Variants in ENGASE observed in about 807,000 individuals in gnomAD.
ENGASE encodes cytosolic endo-beta-N-acetylglucosaminidase.
Under a neutral mutation model 78.5 loss-of-function variants are expected in ENGASE, and 69 were observed. The ratio of observed to expected loss-of-function variants is 0.88; its 90% CI spans 0.72 to 1.07. The LOEUF (loss-of-function observed/expected upper bound fraction) is 1.07, where lower values mean the gene tolerates loss of function less well. Among genes scored for constraint, ENGASE ranks in the 50% least tolerant of loss-of-function variants. ENGASE has a pLI of 0.00. For missense variants in ENGASE, 943 were observed against 988.4 expected, an observed-to-expected ratio of 0.95 and a Z score of 0.62; for synonymous variants, 408 against 408.9, an observed-to-expected ratio of 1.00 and a Z score of 0.03.
chr17:79,087,405 G>T lies in ENGASE; in HGVS notation c.*1056G>T. ...GAGGGAGGCAGGGTCTTCACCACAG[G>T]CGCCTTCCTCTGTCCTTCCTGCTCT... On this transcript the variant is annotated 3_prime_UTR_variant, in exon 14 of 14. Transcript: ENST00000579016. 2 of 230,052 alleles carry T rather than the reference G, an allele frequency of 8.7e-6. No homozygotes were observed. The highest frequency in any genetic ancestry group is 1.1e-4 in the South Asian group (2 of 18,220). 14.3% of individuals were successfully genotyped at this position (230,052 alleles called of 1,614,324 possible).
At position 79,081,971 on chromosome 17, in the gene ENGASE, G is replaced by C; in HGVS notation, c.946G>C (p.Gly316Arg). 6.2e-7 allele frequency: 1 copy of C among 1,614,202 alleles called. No individual in the cohort carries two copies. Among genetic ancestry groups the C allele is most frequent in the Non-Finnish European group, 8.5e-7 (1 of 1,180,032 alleles). ...WREEHLERML[G>R]QAGERRADVY... ...GGAGGAGCACTTGGAGCGGATGCTGGGGCAGGCTGGGGAGCGCCGGGCTGA... is the reference window on the plus strand; with the variant it reads ...GGAGGAGCACTTGGAGCGGATGCTGCGGCAGGCTGGGGAGCGCCGGGCTGA... Residue 316 changes from glycine (G) to arginine (R), a missense_variant, in exon 7 of 14, where the codon GGG becomes CGG. By Grantham distance (125) the Gly-to-Arg change is moderately radical. Coordinates refer to ENST00000579016, the MANE Select transcript of ENGASE (RefSeq NM_001042573.3).
chr17:79,079,504 G>A lies in ENGASE; in HGVS notation c.432G>A (p.Ser144=), dbSNP rs372884772. 10 of 1,613,470 alleles carry A rather than the reference G, an allele frequency of 6.2e-6. No individual in the cohort carries two copies. Among genetic ancestry groups the A allele is most frequent in the African/African-American group, 4.0e-5 (3 of 74,792 alleles). ...GYLDDRFIQG[S]VVQTPYAFYH... ...CTTTCCCCAGGTTCATTCAGGGCTC[G>A]GTGGTGCAGACTCCCTATGCTTTCT... Residue 144 remains serine, a synonymous_variant, in exon 4 of 14, where the codon TCG becomes TCA. Coordinates refer to ENST00000579016, the MANE Select transcript of ENGASE (RefSeq NM_001042573.3).
chr17:79,084,477 A>G, intron 10 of ENGASE, 61 bp from the exon 11 acceptor site: 1 of 1,463,716 alleles, frequency 6.8e-7, no homozygotes, highest in Non-Finnish European at 9.0e-7. Flanking sequence ...CGCGATTTGG[A>G]GCTGGCTTCG....
At chr17:79,077,344 T>A in intron 1 of ENGASE, 86 bp from the exon 2 acceptor site, 1 of 1,155,062 alleles carries the variant, frequency 8.7e-7, no homozygotes, top group South Asian at 1.4e-5. Flanking sequence ...TCTCTCTGTG[T>A]TTAGATGAAA....
intron 1 of ENGASE, chr17:79,075,807 C>G: frequency 1.0e-6 from 1 of 985,424 alleles, no homozygotes; most frequent in Non-Finnish European, 1.2e-6. Context: ...GGGATGAAGG[C>G]TGGCTGCTGG....
chr17:79,086,095 T>G lies in ENGASE; in HGVS notation c.1978T>G (p.Cys660Gly), dbSNP rs753283522. ...HWSFLLSQVR[C>G]FRIHCWGGMS... The stretch of plus-strand genomic sequence containing the variant: ...GTCCTTCCTCCTCTCACAAGTCCGT[T>G]GCTTCCGAATCCACTGCTGGGGAGG... The change falls in exon 14 of 14, where the codon TGC (cysteine) becomes GGC (glycine). Residue 660 changes from cysteine to glycine, a missense_variant. Coordinates refer to ENST00000579016, the MANE Select transcript of ENGASE (RefSeq NM_001042573.3). The G allele has an allele frequency of 5.0e-6, 8 of 1,613,562 alleles. No homozygotes were observed. In the African/African-American group the frequency reaches 8.0e-5, roughly 16 times the overall value.
intron 1 of ENGASE, among the ~76,000 whole-genome samples, chr17:79,075,518 G>A (rs1254992050): frequency 6.6e-6 from 1 of 152,256 alleles, no homozygotes; most frequent in African/African-American, 2.4e-5. Context: ...GAGTCTTTGG[G>A]GAGGAGGAAG....
At chr17:79,079,134 T>C (rs1207825301) in intron 3 of ENGASE, among the ~76,000 whole-genome samples, 1 of 152,166 alleles carries the variant, frequency 6.6e-6, no homozygotes, top group Non-Finnish European at 1.5e-5. Flanking sequence ...CTCCGTGTCC[T>C]TATTCTGCTT....
Position 79,075,000 on chromosome 17 carries a change from A to G in ENGASE, c.56A>G (p.Gln19Arg). 8.2e-7 allele frequency: 1 copy of G among 1,217,020 alleles called. No individual in the cohort carries two copies. The highest frequency in any genetic ancestry group is 1.0e-6 in the Non-Finnish European group (1 of 976,066). The allele number at this position is 1,217,020 out of a possible 1,614,324, so 75.4% of individuals were successfully genotyped here. ...TRSATRRRRR[Q>R]LQGLAAPEAG... ...TCGGCTACACGGCGGCGGCGGCGGC[A>G]GCTGCAGGGGCTGGCGGCCCCGGAG... is the stretch of plus-strand genomic sequence containing the variant. The change falls in exon 1 of 14, where the codon CAG becomes CGG. Residue 19 changes from glutamine (Q) to arginine (R), a missense_variant. Coordinates refer to ENST00000579016, the MANE Select transcript of ENGASE (RefSeq NM_001042573.3).
In ENGASE at chr17:79,080,229, T is replaced by C. The variant is rs199931098; in HGVS notation, c.588T>C (p.Asn196=). Reference sequence around the variant, plus strand: ...CAGGGACTTTCATCACGGAGTGGAATGAAGGGGGAAGGCTCTGTGAAGCCT... The same window carrying C: ...CAGGGACTTTCATCACGGAGTGGAACGAAGGGGGAAGGCTCTGTGAAGCCT... ...CVLGTFITEW[N]EGGRLCEAFL... is the part of the protein sequence containing the mutation. Residue 196 remains asparagine, a synonymous_variant, in exon 5 of 14, where the codon AAT becomes AAC. Coordinates refer to ENST00000579016, the MANE Select transcript of ENGASE (RefSeq NM_001042573.3). The C allele has an allele frequency of 6.2e-6, 10 of 1,606,904 alleles. No individual in the cohort carries two copies. Among genetic ancestry groups the C allele is most frequent in the African/African-American group, 1.3e-5 (1 of 74,752 alleles).
Position 79,083,226 on chromosome 17 carries a change from G to A in ENGASE, c.1142+103G>A. 5.5e-6 allele frequency: 5 copies of A among 903,486 alleles called. No homozygotes were observed. Among genetic ancestry groups the A allele is most frequent in the Non-Finnish European group, 8.6e-6 (5 of 584,110 alleles). 56.0% of individuals were successfully genotyped at this position (903,486 alleles called of 1,614,324 possible). ...TGTGCTCTTTAGTGACCCTTCCTAT[G>A]GGGGGGTGGTTAAGGGAGGATGACA... is the stretch of plus-strand genomic sequence containing the variant. On this transcript the variant is annotated intron_variant, in intron 8 of 13. Transcript: ENST00000579016. This position sits in a 1 kb window ranked among gnomAD's most constrained non-coding sequence, Gnocchi z 4.9.
At chr17:79,077,923 GCTGGA>G in intron 3 of ENGASE, 59 bp downstream of exon 3, 59 of 1,397,734 alleles carry the variant, frequency 4.2e-5, no homozygotes, top group East Asian at 5.1e-5. Context: ...TGGGGTGGGG[GCTGGA>G]GGGGCGGGAG....
At chr17:79,080,183 C>CT (rs1568088184) in intron 4 of ENGASE, 24 bp from the exon 5 acceptor site, 1 of 1,561,872 alleles carries the variant, frequency 6.4e-7, no homozygotes, top group Admixed American at 2.0e-5. Context: ...CGTGGCTGAC[C>CT]TTGTTTCTCT....
chr17:79,075,154 C>T (rs1262102221), intron 1 of ENGASE, 64 bp downstream of exon 1: 1 of 1,194,496 alleles, frequency 8.4e-7, no homozygotes, highest in Non-Finnish European at 1.0e-6. Flanking sequence ...CCCCGGGGCC[C>T]GAGGTTTCCC....
intron 1 of ENGASE, among the ~76,000 whole-genome samples, chr17:79,077,155 A>G (rs62063816): frequency 0.053 from 8,127 of 152,268 alleles, 262 homozygotes; most frequent in Middle Eastern, 0.092. Context: ...ACAGGCGTGA[A>G]CCACTGCGTC....
chr17:79,085,487 C>A, intron 12 of ENGASE, 133 bp from the exon 13 acceptor site: 1 of 1,378,588 alleles, frequency 7.3e-7, no homozygotes, highest in Non-Finnish European at 9.9e-7. Flanking sequence ...CTGCTGGGAG[C>A]CCTGCTGTCG....
Position 79,083,683 on chromosome 17 carries a change from C to A in ENGASE, c.1252-78C>A. 6.4e-7 allele frequency: 1 copy of A among 1,562,336 alleles called. No homozygotes were observed. Among genetic ancestry groups the A allele is most frequent in the Non-Finnish European group, 8.7e-7 (1 of 1,143,488 alleles). ...ACTTGCCAGCAGGCACGGTGGTGGT[C>A]TTACCCTTCCCTGCCGCTCCGGGCA... On this transcript the variant is annotated intron_variant, in intron 9 of 13. Transcript: ENST00000579016. This position sits in a 1 kb window ranked among gnomAD's most constrained non-coding sequence, Gnocchi z 4.9.
rs1298166074 is a variant in ENGASE, at chr17:79,083,820, A to AG, written c.1312dup (p.Glu438GlyfsTer63). ...CCCAGGAGATCCAGCCCTTGTTTGG[A>AG]GAACACAGGCTGGGAGGGGATGGCC... On this transcript the variant is annotated frameshift_variant, in exon 10 of 14. Coordinates refer to ENST00000579016, the MANE Select transcript of ENGASE (RefSeq NM_001042573.3). LOFTEE classifies it high-confidence loss of function. This position sits in a 1 kb window ranked among gnomAD's most constrained non-coding sequence, Gnocchi z 4.9. 3 of 1,612,218 alleles carry AG rather than the reference A, an allele frequency of 1.9e-6. No individual in the cohort carries two copies. Among genetic ancestry groups the AG allele is most frequent in the Non-Finnish European group, 1.7e-6 (2 of 1,179,472 alleles).
intron 6 of ENGASE, among the ~76,000 whole-genome samples, chr17:79,081,283 A>G (rs1205487249): frequency 6.6e-6 from 1 of 152,198 alleles, no homozygotes; most frequent in Non-Finnish European, 1.5e-5. Context: ...TGGGCAGATC[A>G]AGAGGTCAGG....
Sources: allele counts gnomAD v4.1 joint callset (sites outside exome capture counted in the v4.1 genomes callset), GRCh38; gene constraint gnomAD v4.1.1; non-coding constraint Gnocchi (gnomAD v3.1); transcripts MANE v1.5; gene names NCBI Gene and HGNC (gene_info 2026-07-23, HGNC 2026-07-21).